The following BANP variants were observed in gnomAD, a reference collection of about 807,000 sequenced individuals.
The protein encoded by BANP is protein BANP.
Under a neutral mutation model 68.1 loss-of-function variants are expected in BANP, and 11 were observed. The ratio of observed to expected loss-of-function variants is 0.16; its 90% confidence interval spans 0.10 to 0.27. The LOEUF (loss-of-function observed/expected upper bound fraction) is 0.27. Among genes scored for constraint, BANP ranks in the 10% least tolerant of loss-of-function variants. The pLI, the probability that BANP is intolerant of heterozygous loss-of-function variation, is 1.00. For missense variants in BANP, 504 were observed against 722.7 expected (o/e 0.70, Z 3.47); for synonymous variants, 329 against 303.2 (o/e 1.09, Z -0.88).
chr16:87,979,562 A>G (rs898446088), intron 2 of BANP, among the ~76,000 whole-genome samples: 3 of 152,164 alleles, frequency 2.0e-5, no homozygotes, highest in Non-Finnish European at 4.4e-5. Context: ...GCACAGCACC[A>G]GCAGAGCGGG....
intron 11 of BANP, among the ~76,000 whole-genome samples, chr16:88,051,368 T>C (rs935933871): frequency 6.6e-6 from 1 of 152,214 alleles, no homozygotes; most frequent in African/African-American, 2.4e-5. Context: ...CTGCCCTGCA[T>C]GTGTAGATGT....
chr16:87,992,487 T>C (rs1381399948), intron 4 of BANP, among the ~76,000 whole-genome samples: 1 of 152,156 alleles, frequency 6.6e-6, no homozygotes, highest in Non-Finnish European at 1.5e-5. Context: ...AATAATAAAT[T>C]CAATTATTTT....
Position 87,957,982 on chromosome 16 carries a change from C to T in BANP, c.-69+6467C>T, listed in dbSNP as rs1172218295. The stretch of plus-strand genomic sequence containing the variant: ...GCCGCTGCCAGTCTGCGTTTTCTGC[C>T]GAAATGCGTCCCTGAGATTGAGAAA... On this transcript the variant is annotated intron_variant, in intron 1 of 13. Transcript: ENST00000682872. The surrounding 1 kb of genome is among the most constrained non-coding windows in gnomAD (Gnocchi z 4.3). Among the ~76,000 whole-genome samples, 1 of 152,094 alleles carries T rather than the reference C, an allele frequency of 6.6e-6. No homozygotes were observed. The highest frequency in any genetic ancestry group is 1.5e-5 in the Non-Finnish European group (1 of 68,028).
chr16:87,960,633 C>G (rs1252331800), intron 1 of BANP, among the ~76,000 whole-genome samples: 1 of 152,150 alleles, frequency 6.6e-6, no homozygotes, highest in Non-Finnish European at 1.5e-5. Context: ...TGTGCCCCGG[C>G]CAACTCAGCA....
chr16:88,026,540 C>T lies in BANP; in HGVS notation c.896-943C>T, dbSNP rs117690187. Among the ~76,000 whole-genome samples, 820 of 152,290 alleles carry T rather than the reference C, an allele frequency of 5.4e-3. 6 individuals are homozygous for T. Among genetic ancestry groups the T allele is most frequent in the Middle Eastern group, 0.014 (4 of 294 alleles). Reference sequence around the variant, plus strand: ...CAGAGTAACAGTGCATACATGAATTCTCCAAACTGTGTTTGCGAGGGGAAC... The same window carrying T: ...CAGAGTAACAGTGCATACATGAATTTTCCAAACTGTGTTTGCGAGGGGAAC... On this transcript the variant is annotated intron_variant, in intron 7 of 13. Coordinates refer to ENST00000682872, the MANE Select transcript of BANP (RefSeq NM_001386991.1).
intron 13 of BANP, among the ~76,000 whole-genome samples, chr16:88,073,381 C>T (rs570096356): frequency 7.6e-4 from 116 of 152,034 alleles, no homozygotes; most frequent in African/African-American, 2.5e-3. Flanking sequence ...CCCATGGGCA[C>T]GGTGGCCCCT....
intron 1 of BANP, among the ~76,000 whole-genome samples, chr16:87,974,196 C>T (rs113539062): frequency 5.3e-5 from 8 of 152,324 alleles, no homozygotes; most frequent in African/African-American, 1.7e-4. Context: ...CTCATTTCTA[C>T]GGCATCCTAT....
rs1031024266 is a variant in BANP, at chr16:88,057,685, G to T, written c.1312-7582G>T. ...CTGGTTCTTACATCCCAGAAGGGAA[G>T]TTGCGGCACTGTGCGAGACAGTCTG... On this transcript the variant is annotated intron_variant, in intron 11 of 13. Transcript: ENST00000682872. This position sits in a 1 kb window ranked among gnomAD's most constrained non-coding sequence, Gnocchi z 4.6. Among the ~76,000 whole-genome samples, 1 of 139,118 alleles carries T rather than the reference G, an allele frequency of 7.2e-6. No individual in the cohort carries two copies. The highest frequency in any genetic ancestry group is 1.5e-5 in the Non-Finnish European group (1 of 65,118). The allele number at this position is 139,118 out of a possible 152,430, so 91.3% of individuals were successfully genotyped here. A position where few individuals can be genotyped will look rare whatever the true frequency, so the allele number is the denominator to read the frequency against.
chr16:87,995,942 G>C (rs1449101711), intron 4 of BANP, among the ~76,000 whole-genome samples: 1 of 152,272 alleles, frequency 6.6e-6, no homozygotes, highest in East Asian at 1.9e-4. Flanking sequence ...TGAGCGTTCA[G>C]TGCAGACGTG....
At chr16:87,977,181 G>T (rs2062316933) in intron 2 of BANP, among the ~76,000 whole-genome samples, 1 of 152,232 alleles carries the variant, frequency 6.6e-6, no homozygotes, top group Non-Finnish European at 1.5e-5. Flanking sequence ...TTGGGAGGCT[G>T]AGGCGGGCGG....
At chr16:87,998,435 G>A (rs537887597) in intron 4 of BANP, among the ~76,000 whole-genome samples, 98 of 152,220 alleles carry the variant, frequency 6.4e-4, no homozygotes, top group Non-Finnish European at 4.4e-4. Context: ...TGCCATCTGC[G>A]TGGGCTGCTG....
chr16:88,059,476 T>C (rs1208260306), intron 11 of BANP, among the ~76,000 whole-genome samples: 1 of 152,148 alleles, frequency 6.6e-6, no homozygotes, highest in African/African-American at 2.4e-5. Context: ...AAGACCCTGT[T>C]TTCAATTAAG....
At chr16:88,037,635 A>G (rs2079686994) in intron 10 of BANP, 1 of 347,300 alleles carries the variant, frequency 2.9e-6, no homozygotes, top group Non-Finnish European at 5.4e-6. Flanking sequence ...CGACACACAC[A>G]TAGGACGTCT....
intron 4 of BANP, among the ~76,000 whole-genome samples, chr16:87,992,984 A>G (rs1224423598): frequency 1.3e-5 from 2 of 152,162 alleles, no homozygotes; most frequent in Non-Finnish European, 2.9e-5. Flanking sequence ...CCTCTGATCC[A>G]TGACCGTTTC....
intron 8 of BANP, among the ~76,000 whole-genome samples, chr16:88,031,182 C>T (rs955214986): frequency 6.6e-6 from 1 of 152,202 alleles, no homozygotes; most frequent in Non-Finnish European, 1.5e-5. Context: ...TGCTTTGGGA[C>T]ATGACCCATC....
At position 88,003,547 on chromosome 16, in the gene BANP, A is replaced by G. The variant is rs1218708539; in HGVS notation, c.363-748A>G. The G allele has an allele frequency of 6.6e-6, 3 of 456,302 alleles. No individual in the cohort carries two copies. The highest frequency in any genetic ancestry group is 4.7e-5 in the Admixed American group (2 of 42,582). 28.3% of individuals were successfully genotyped at this position (456,302 alleles called of 1,614,324 possible). A position where few individuals can be genotyped will look rare whatever the true frequency, so the allele number is the denominator to read the frequency against. Reference sequence around the variant, plus strand: ...AGAAAGTGCTAAGGCTTAAAAACGCATGATTGAAAACTGTGGGTGAGTCTG... The same window carrying G: ...AGAAAGTGCTAAGGCTTAAAAACGCGTGATTGAAAACTGTGGGTGAGTCTG... On this transcript the variant is annotated intron_variant, in intron 4 of 13. Transcript: ENST00000682872. The surrounding 1 kb of genome is among the most constrained non-coding windows in gnomAD (Gnocchi z 6.1).
At chr16:88,010,045 G>A (rs186137734) in intron 6 of BANP, among the ~76,000 whole-genome samples, 3 of 152,372 alleles carry the variant, frequency 2.0e-5, no homozygotes, top group African/African-American at 7.2e-5. Flanking sequence ...TGAAAGCAGG[G>A]AACAGTAGAC....
chr16:87,973,768 AAAAAAAG>A (rs2061549079), intron 1 of BANP, among the ~76,000 whole-genome samples: 2 of 104,934 alleles, frequency 1.9e-5, no homozygotes, highest in Non-Finnish European at 2.3e-5. Context: ...AAAAAAAAAA[AAAAAAAG>A]AAAAAAGAAA....
chr16:88,035,744 C>T (rs377311598), intron 10 of BANP, among the ~76,000 whole-genome samples: 22 of 152,238 alleles, frequency 1.4e-4, no homozygotes, highest in African/African-American at 5.3e-4. Flanking sequence ...GAGATGGGGT[C>T]TGCCCCTGCG....
Sources: gnomAD v4.1 joint callset for allele counts (sites outside exome capture counted in the v4.1 genomes callset) on GRCh38, gnomAD v4.1.1 for gene constraint, Gnocchi (gnomAD v3.1) non-coding constraint, MANE v1.5 for transcripts, NCBI Gene and HGNC (gene_info 2026-07-23, HGNC 2026-07-21) for gene names.